The following LILRB1 variants were observed in gnomAD, a reference collection of about 807,000 sequenced individuals.
LILRB1 encodes leukocyte immunoglobulin-like receptor subfamily B member 1.
LILRB1 carries 59 observed loss-of-function variants against 74.6 expected under a neutral mutation model. That is an observed-to-expected ratio of 0.79 (90% CI 0.64 to 0.98). The LOEUF (loss-of-function observed/expected upper bound fraction) is 0.98. Ranked by LOEUF, LILRB1 falls within the 50% of genes least tolerant of loss-of-function variation. The pLI, the probability that LILRB1 is intolerant of heterozygous loss-of-function variation, is 0.00. For synonymous variants in LILRB1, 328 were observed against 333.9 expected (o/e 0.98, Z 0.19); for missense variants, 804 against 822.6 (o/e 0.98, Z 0.28).
rs1268303356 is a variant in LILRB1 at position 54,631,760 on chromosome 19, A to C, written c.331A>C (p.Ser111Arg). 6.2e-7 allele frequency: 1 copy of C among 1,614,242 alleles called. No homozygotes were observed. The highest frequency in any genetic ancestry group is 8.5e-7 in the Non-Finnish European group (1 of 1,180,026). Reference protein sequence around the residue: ...GSDTAGRSESSDPLELVVTGA... With the variant: ...GSDTAGRSESRDPLELVVTGA... ...CGACACTGCAGGCCGCTCAGAGAGC[A>C]GTGACCCCCTGGAGCTGGTGGTGAC... Residue 111 changes from serine (S) to arginine (R), a missense_variant, in exon 4 of 15, where the codon AGT becomes CGT. By Grantham distance (110) the Ser-to-Arg change is moderately radical. Transcript: ENST00000324602.
chr19:54,622,172 GTT>G (rs1434486686), intron 1 of LILRB1, among the ~76,000 whole-genome samples: 2 of 152,136 alleles, frequency 1.3e-5, no homozygotes, highest in African/African-American at 4.8e-5. Context: ...GTTCAGGCTG[GTT>G]TTTGGTTCCA....
chr19:54,618,170 A>G (rs2063363177), intron 1 of LILRB1, among the ~76,000 whole-genome samples: 1 of 149,386 alleles, frequency 6.7e-6, no homozygotes, highest in African/African-American at 2.4e-5. Context: ...TAGAAAAAAA[A>G]GAGGTTTTTT....
intron 1 of LILRB1, among the ~76,000 whole-genome samples, chr19:54,620,175 A>C (rs900407665): frequency 6.6e-6 from 1 of 152,230 alleles, no homozygotes; most frequent in Non-Finnish European, 1.5e-5. Flanking sequence ...AACAAAAGTT[A>C]ACTCTGAGAC....
Position 54,621,728 on chromosome 19 carries a change from A to G in LILRB1, c.-166+4379A>G, listed in dbSNP as rs371554675. On this transcript the variant is annotated intron_variant, in intron 1 of 15. Transcript: ENST00000396331. ...ATTTGTCTATTCGGGGGTTTGTTGCATTTTTAAGGGTCTTTACCATAAGTT... is the reference window on the plus strand; with the variant it reads ...ATTTGTCTATTCGGGGGTTTGTTGCGTTTTTAAGGGTCTTTACCATAAGTT... Among the ~76,000 whole-genome samples, 10 of 152,106 alleles carry G rather than the reference A, an allele frequency of 6.6e-5. 1 individual carries two copies. The highest frequency in any genetic ancestry group is 2.0e-4 in the Admixed American group (3 of 15,278).
chr19:54,635,166 G>A lies in LILRB1; in HGVS notation c.1549G>A (p.Gly517Ser). Residue 517 changes from glycine to serine, a missense_variant, in exon 11 of 15, where the codon GGC becomes AGC. Gly to Ser is a moderately conservative substitution (Grantham distance 56, BLOSUM62 0). Transcript: ENST00000324602. Reference protein sequence around the residue: ...GAVGPEPTDRGLQWRSSPAAD... With the variant: ...GAVGPEPTDRSLQWRSSPAAD... ...TGTGGGGCCAGAGCCCACAGACAGAGGCCTGCAGTGGAGGTAATTCTGCCC... is the reference window on the plus strand; with the variant it reads ...TGTGGGGCCAGAGCCCACAGACAGAAGCCTGCAGTGGAGGTAATTCTGCCC... 6.3e-6 allele frequency: 10 copies of A among 1,595,002 alleles called. No homozygotes were observed. The highest frequency in any genetic ancestry group is 8.6e-6 in the Non-Finnish European group (10 of 1,165,938).
In LILRB1 at chr19:54,636,720, C is replaced by A. The variant is rs765692940; in HGVS notation, c.1813-12C>A. 5.0e-6 allele frequency: 8 copies of A among 1,600,214 alleles called. No individual in the cohort carries two copies. In the South Asian group the frequency reaches 8.8e-5, roughly 18 times the overall value. ...CACCACGTTCCTTCCCTCTCACTCT[C>A]CCCCGCTGCAGGCTGCTGCATCTGA... On this transcript the variant is annotated splice_polypyrimidine_tract_variant and intron_variant, in intron 14 of 14. Coordinates refer to ENST00000324602, the MANE Select transcript of LILRB1 (RefSeq NM_001081637.3).
upstream of LILRB1, among the ~76,000 whole-genome samples, chr19:54,629,522 A>G (rs1439126501): frequency 6.6e-6 from 1 of 152,116 alleles, no homozygotes; most frequent in Non-Finnish European, 1.5e-5. Context: ...TGATCTATGA[A>G]CACCCTGGTG....
At position 54,635,137 on chromosome 19, in the gene LILRB1, G is replaced by C. The variant is rs767184399; in HGVS notation, c.1520G>C (p.Gly507Ala). 1 of 1,591,482 alleles carries C rather than the reference G, an allele frequency of 6.3e-7. No homozygotes were observed. The highest frequency in any genetic ancestry group is 8.6e-7 in the Non-Finnish European group (1 of 1,163,852). ...QRKADFQHPA[G>A]AVGPEPTDRG... ...AAGGCTGATTTCCAACATCCTGCAGGGGCTGTGGGGCCAGAGCCCACAGAC... is the reference window on the plus strand; with the variant it reads ...AAGGCTGATTTCCAACATCCTGCAGCGGCTGTGGGGCCAGAGCCCACAGAC... The change falls in exon 11 of 15, where the codon GGG (glycine) becomes GCG (alanine). Residue 507 changes from glycine to alanine, a missense_variant. Transcript: ENST00000324602.
chr19:54,617,628 T>C (rs536538276), intron 1 of LILRB1, among the ~76,000 whole-genome samples: 1 of 151,932 alleles, frequency 6.6e-6, no homozygotes, highest in South Asian at 2.1e-4. Flanking sequence ...TAGATTTGTA[T>C]AATTTTATGT....
intron 1 of LILRB1, among the ~76,000 whole-genome samples, chr19:54,617,828 G>A (rs75741150): frequency 0.033 from 5,051 of 152,116 alleles, 105 homozygotes; most frequent in South Asian, 0.054. Flanking sequence ...AGGGTTGGGC[G>A]TGGTGGCTCA....
At chr19:54,622,348 G>A (rs978716430) in intron 1 of LILRB1, among the ~76,000 whole-genome samples, 1 of 152,122 alleles carries the variant, frequency 6.6e-6, no homozygotes, top group African/African-American at 2.4e-5. Context: ...ATTTGGTTGT[G>A]TTGCCTACAG....
intron 4 of LILRB1, 67 bp downstream of exon 4, chr19:54,631,854 C>T (rs2146252645): frequency 6.2e-7 from 1 of 1,605,836 alleles, no homozygotes; most frequent in Non-Finnish European, 8.5e-7. Context: ...CTCTCAGGGG[C>T]TTCTCCCTCT....
Position 54,633,112 on chromosome 19 carries a change from T to A in LILRB1, c.1055T>A (p.Met352Lys). 6.2e-7 allele frequency: 1 copy of A among 1,614,278 alleles called. No homozygotes were observed. Among genetic ancestry groups the A allele is most frequent in the Non-Finnish European group, 8.5e-7 (1 of 1,180,044 alleles). ...VTLLCQSQGW[M>K]QTFLLTKEGA... ...CTGCTGTGTCAGTCACAGGGATGGA[T>A]GCAAACTTTCCTTCTGACCAAGGAG... is the stretch of plus-strand genomic sequence containing the variant. The change falls in exon 7 of 15, where the codon ATG becomes AAG. Residue 352 changes from methionine to lysine, a missense_variant. Coordinates refer to ENST00000324602, the MANE Select transcript of LILRB1 (RefSeq NM_001081637.3).
At chr19:54,621,966 T>C (rs752324025) in intron 1 of LILRB1, among the ~76,000 whole-genome samples, 7 of 152,210 alleles carry the variant, frequency 4.6e-5, no homozygotes, top group Admixed American at 2.0e-4. Flanking sequence ...TTGTTTACTT[T>C]GTTGACTTTA....
At position 54,635,586 on chromosome 19, in the gene LILRB1, G is replaced by A. The variant is rs1236420698; in HGVS notation, c.1630G>A (p.Asp544Asn). Residue 544 changes from aspartate to asparagine, a missense_variant, in exon 13 of 15, where the codon GAT (aspartate) becomes AAT (asparagine). Transcript: ENST00000324602. ...YAAVKHTQPE[D>N]GVEMDTRQSP... ...TGCCGTGAAGCACACACAGCCTGAG[G>A]ATGGGGTGGAGATGGACACTCGGGT... The A allele has an allele frequency of 1.2e-6, 2 of 1,614,002 alleles. No homozygotes were observed. Among genetic ancestry groups the A allele is most frequent in the Admixed American group, 1.7e-5 (1 of 60,028 alleles).
intron 1 of LILRB1, among the ~76,000 whole-genome samples, chr19:54,622,750 A>G (rs2063487193): frequency 6.6e-6 from 1 of 152,004 alleles, no homozygotes; most frequent in Non-Finnish European, 1.5e-5. Context: ...ATCCTGTTCC[A>G]TTTCTTGGGG....
At chr19:54,624,518 T>C (rs2063530053) in intron 1 of LILRB1, among the ~76,000 whole-genome samples, 1 of 151,824 alleles carries the variant, frequency 6.6e-6, no homozygotes, top group African/African-American at 2.4e-5. Flanking sequence ...TTCATGTAGG[T>C]GGGATGTGGG....
Position 54,632,663 on chromosome 19 carries a change from G to A in LILRB1, c.861G>A (p.Val287=). ...LSQANFTLGP[V]SRSYGGQYRC... ...AGGCCAACTTCACCCTGGGCCCTGT[G>A]AGCCGCTCCTACGGGGGCCAGTACA... The change falls in exon 6 of 15, where the codon GTG becomes GTA. Residue 287 remains valine (V), a synonymous_variant. Transcript: ENST00000324602. The A allele has an allele frequency of 6.2e-7, 1 of 1,613,862 alleles. No homozygotes were observed. The highest frequency in any genetic ancestry group is 2.2e-5 in the East Asian group (1 of 44,886).
chr19:54,621,259 G>GTTCT (rs34781265), intron 1 of LILRB1, among the ~76,000 whole-genome samples: 87,426 of 151,600 alleles, frequency 0.58, 26,443 homozygotes, highest in South Asian at 0.69. Flanking sequence ...TCTATTTTTA[G>GTTCT]TTGAGATAGC....
Sources: gnomAD v4.1 joint callset for allele counts (sites outside exome capture counted in the v4.1 genomes callset) on GRCh38, gnomAD v4.1.1 for gene constraint, MANE v1.5 for transcripts, NCBI Gene and HGNC (gene_info 2026-07-23, HGNC 2026-07-21) for gene names.